The following TBC1D5 variants were observed in gnomAD, a reference collection of about 807,000 sequenced individuals.
The protein encoded by TBC1D5 is TBC1 domain family, member 5.
Under a neutral mutation model 100.3 loss-of-function variants are expected in TBC1D5, and 75 were observed. That is an observed-to-expected ratio of 0.75 (90% CI 0.62 to 0.91). The LOEUF is 0.91. Ranked by LOEUF, TBC1D5 falls within the 40% of genes least tolerant of loss-of-function variation. The probability of loss-of-function intolerance (pLI) is 0.00; values close to 1 mark genes in which losing one functional copy is unlikely to be tolerated. For synonymous variants in TBC1D5, 323 were observed against 325.6 expected, an observed-to-expected ratio of 0.99 and a Z score of 0.09; for missense variants, 910 against 942.4, an observed-to-expected ratio of 0.97 and a Z score of 0.45.
At chr3:17,464,101 G>A (rs1476456644) in intron 3 of TBC1D5, among the ~76,000 whole-genome samples, 1 of 151,780 alleles carries the variant, frequency 6.6e-6, no homozygotes, top group African/African-American at 2.4e-5. Flanking sequence ...ACAGGCATGC[G>A]CCAACACACC....
chr3:17,561,432 A>T (rs1450769607), intron 2 of TBC1D5, among the ~76,000 whole-genome samples: 4 of 152,190 alleles, frequency 2.6e-5, no homozygotes, highest in Non-Finnish European at 4.4e-5. Context: ...ACTTATCTTA[A>T]GAAGATTATA....
intron 2 of TBC1D5, among the ~76,000 whole-genome samples, chr3:17,564,612 A>G (rs995633653): frequency 1.3e-5 from 2 of 152,214 alleles, no homozygotes; most frequent in African/African-American, 2.4e-5. Flanking sequence ...AGGAACTTCT[A>G]ATATATTTAG....
chr3:17,245,534 T>C (rs1462700455), intron 16 of TBC1D5, among the ~76,000 whole-genome samples: 1 of 152,190 alleles, frequency 6.6e-6, no homozygotes, highest in Non-Finnish European at 1.5e-5. Flanking sequence ...TTCGTCTATA[T>C]GATGAGCAGC....
intron 3 of TBC1D5, among the ~76,000 whole-genome samples, chr3:17,480,546 C>T (rs1341496637): frequency 1.3e-5 from 2 of 152,202 alleles, no homozygotes; most frequent in African/African-American, 4.8e-5. Context: ...CCTTGGGTCT[C>T]CTCAATTCAT....
chr3:17,240,182 T>G (rs921056303), intron 16 of TBC1D5, among the ~76,000 whole-genome samples: 2 of 152,162 alleles, frequency 1.3e-5, no homozygotes, highest in African/African-American at 4.8e-5. Flanking sequence ...TTCCATAAAG[T>G]TTTCTCTAAT....
intron 1 of TBC1D5, among the ~76,000 whole-genome samples, chr3:17,737,029 A>C (rs1328653288): frequency 6.6e-6 from 1 of 151,178 alleles, no homozygotes; most frequent in Non-Finnish European, 1.5e-5. Context: ...AAAAAAAGAC[A>C]AAAAAAACAC....
intron 3 of TBC1D5, among the ~76,000 whole-genome samples, chr3:17,460,279 C>T (rs759988431): frequency 6.6e-6 from 1 of 152,104 alleles, no homozygotes; most frequent in Non-Finnish European, 1.5e-5. Context: ...AGGAAAATGC[C>T]AAATTAGAGA....
At chr3:17,281,960 G>A (rs1021221567) in intron 15 of TBC1D5, among the ~76,000 whole-genome samples, 9 of 151,584 alleles carry the variant, frequency 5.9e-5, no homozygotes, top group Admixed American at 2.0e-4. Flanking sequence ...CTTCAATTTC[G>A]TTAAATCATA....
At chr3:17,496,457 C>T (rs1244600444) in intron 3 of TBC1D5, among the ~76,000 whole-genome samples, 1 of 151,864 alleles carries the variant, frequency 6.6e-6, no homozygotes, top group Non-Finnish European at 1.5e-5. Flanking sequence ...TGCACACACA[C>T]ACACGCACAC....
intron 4 of TBC1D5, among the ~76,000 whole-genome samples, chr3:17,417,508 C>G (rs937620492): frequency 2.0e-5 from 3 of 152,120 alleles, no homozygotes; most frequent in African/African-American, 7.2e-5. Context: ...CATGTCCCTA[C>G]AAAGGACATG....
At chr3:17,340,481 T>C (rs939818518) in intron 13 of TBC1D5, among the ~76,000 whole-genome samples, 2 of 152,156 alleles carry the variant, frequency 1.3e-5, no homozygotes, top group African/African-American at 2.4e-5. Flanking sequence ...GCTGGGCACA[T>C]ACAGGGCCTC....
chr3:17,341,100 A>G (rs560316497), intron 13 of TBC1D5, among the ~76,000 whole-genome samples: 1 of 152,252 alleles, frequency 6.6e-6, no homozygotes, highest in Non-Finnish European at 1.5e-5. Context: ...ATATTTTCCT[A>G]TAAAACAATC....
At chr3:17,185,050 G>A in intron 19 of TBC1D5, 59 bp downstream of exon 20, 3 of 1,464,104 alleles carry the variant, frequency 2.0e-6, no homozygotes, top group Non-Finnish European at 2.9e-6. Flanking sequence ...ACAAAGTATT[G>A]CTAGTGGCTA....
intron 13 of TBC1D5, among the ~76,000 whole-genome samples, chr3:17,370,177 G>A (rs2092382690): frequency 6.6e-6 from 1 of 152,096 alleles, no homozygotes; most frequent in African/African-American, 2.4e-5. Flanking sequence ...ATAAATTATT[G>A]CACCCAAGCC....
intron 15 of TBC1D5, among the ~76,000 whole-genome samples, chr3:17,264,211 T>C (rs917923147): frequency 1.3e-5 from 2 of 151,882 alleles, no homozygotes; most frequent in African/African-American, 2.4e-5. Context: ...AAATACTAGA[T>C]GCTACAAGAA....
intron 21 of TBC1D5, 65 bp from the exon 23 acceptor site, chr3:17,161,321 G>A: frequency 6.6e-7 from 1 of 1,521,198 alleles, no homozygotes; most frequent in Non-Finnish European, 8.8e-7. Context: ...TGAGTGGAAG[G>A]CCCTGTGAAC....
At chr3:17,479,104 C>G (rs1251785562) in intron 3 of TBC1D5, among the ~76,000 whole-genome samples, 1 of 152,160 alleles carries the variant, frequency 6.6e-6, no homozygotes, top group East Asian at 1.9e-4. Flanking sequence ...TATATGTCAT[C>G]TGAAAACATG....
rs887610353 is a variant in TBC1D5, at chr3:17,207,249, AGT to A, written c.1752+6956_1752+6957del. On this transcript the variant is annotated intron_variant, in intron 18 of 21. Coordinates refer to ENST00000253692, the Ensembl canonical transcript of TBC1D5. ...GCAACAATCATAGAACATGACTAAC[AGT>A]GCTAAAAAAAGTAAAAATTTATTTA... Among the ~76,000 whole-genome samples, 6 of 152,250 alleles carry A rather than the reference AGT, an allele frequency of 3.9e-5. 1 individual carries two copies. Among genetic ancestry groups the A allele is most frequent in the Admixed American group, 1.3e-4 (2 of 15,286 alleles).
chr3:17,725,612 G>C (rs183765887), intron 1 of TBC1D5, among the ~76,000 whole-genome samples: 5 of 152,192 alleles, frequency 3.3e-5, no homozygotes, highest in East Asian at 1.9e-4. Flanking sequence ...CAAAGTAAAA[G>C]CTCCTCAGAA....
Sources: allele counts gnomAD v4.1 joint callset (sites outside exome capture counted in the v4.1 genomes callset), GRCh38; gene constraint gnomAD v4.1.1; transcripts MANE v1.5; gene names NCBI Gene and HGNC (gene_info 2026-07-23, HGNC 2026-07-21).